The following CFAP251 variants were observed in gnomAD, a reference collection of about 807,000 sequenced individuals.
CFAP251 encodes the protein cilia and flagella associated protein 251, also known as cilia- and flagella-associated protein 251.
A neutral mutation model predicts 126.7 loss-of-function variants in CFAP251; 93 were observed. The observed-to-expected ratio is 0.73, with a 90% confidence interval of 0.62 to 0.87. The LOEUF (loss-of-function observed/expected upper bound fraction) is 0.87, where lower values mean the gene tolerates loss of function less well. CFAP251 is among the 40% of genes least tolerant of loss of function. The pLI is 0.00. For missense variants in CFAP251, 1,287 were observed against 1,389.2 expected, an observed-to-expected ratio of 0.93 and a Z score of 1.17; for synonymous variants, 503 against 506.9, an observed-to-expected ratio of 0.99 and a Z score of 0.10.
intron 7 of CFAP251, chr12:121,948,653 G>C (rs1321888215): frequency 5.7e-6 from 1 of 174,612 alleles, no homozygotes. Flanking sequence ...CCAGGAGATA[G>C]AGGCTGCAGT....
chr12:121,982,853 G>C (rs1372141072), intron 19 of CFAP251, among the ~76,000 whole-genome samples: 1 of 152,132 alleles, frequency 6.6e-6, no homozygotes, highest in Non-Finnish European at 1.5e-5. Flanking sequence ...TGGAGTCCCG[G>C]CTGCTTGAGA....
chr12:121,956,940 T>G (rs2135780807), intron 10 of CFAP251, 134 bp from the exon 11 acceptor site: 2 of 612,714 alleles, frequency 3.3e-6, no homozygotes, highest in Admixed American at 4.0e-5. Flanking sequence ...AACAGTAAAA[T>G]CATTCTCGTT....
At chr12:121,968,987 G>C in intron 17 of CFAP251, 1 of 985,384 alleles carries the variant, frequency 1.0e-6, no homozygotes, top group African/African-American at 1.7e-5. Context: ...GCAGGGCAGA[G>C]TCAACCATGT....
Position 121,975,258 on chromosome 12 carries a change from C to T in CFAP251, c.2786C>T (p.Ala929Val), listed in dbSNP as rs373952171. The part of the protein sequence containing the change: ...WKITLSVLEA[A>V]VSLGGEDLTP... ...TGTTGTTCCAGTGTCCTGGAGGCAG[C>T]GGTTTCTCTTGGGGGTGAAGACTTG... The change falls in exon 18 of 22, where the codon GCG (alanine) becomes GTG (valine). Residue 929 changes from alanine (A) to valine (V), a missense_variant. Ala to Val is a moderately conservative substitution (Grantham distance 64). Transcript: ENST00000288912. 1.7e-5 allele frequency: 28 copies of T among 1,613,854 alleles called. No homozygotes were observed. The highest frequency in any genetic ancestry group is 2.2e-5 in the Non-Finnish European group (26 of 1,179,996).
intron 3 of CFAP251, among the ~76,000 whole-genome samples, chr12:121,924,752 C>T (rs1220711777): frequency 6.6e-6 from 1 of 152,070 alleles, no homozygotes. Context: ...TTTTAAAGTT[C>T]GGTTAAGAGC....
Position 121,968,141 on chromosome 12 carries a change from T to A in CFAP251, c.2743T>A (p.Ser915Thr), listed in dbSNP as rs753540085. Reference sequence around the variant, plus strand: ...CTTCACTGCGGGAGGGCACGATCGCTCGGTGGTGCAGTGGAAAATCACCTT... The same window carrying A: ...CTTCACTGCGGGAGGGCACGATCGCACGGTGGTGCAGTGGAAAATCACCTT... ...YAFTAGGHDR[S>T]VVQWKITLSV... The change falls in exon 17 of 22, where the codon TCG becomes ACG. Residue 915 changes from serine to threonine, a missense_variant. Coordinates refer to ENST00000288912, the MANE Select transcript of CFAP251 (RefSeq NM_144668.6). The A allele has an allele frequency of 6.2e-7, 1 of 1,610,244 alleles. No individual in the cohort carries two copies. The highest frequency in any genetic ancestry group is 1.1e-5 in the South Asian group (1 of 90,932).
Position 122,001,609 on chromosome 12 carries a change from T to TG in CFAP251, c.3337+13dup. 1.2e-6 allele frequency: 2 copies of TG among 1,609,164 alleles called. No individual in the cohort carries two copies. Among genetic ancestry groups the TG allele is most frequent in the Non-Finnish European group, 1.7e-6 (2 of 1,175,476 alleles). ...CCTGCTCCGTCAAAGGTACCCCAGC[T>TG]GGCTTTGTCTGGGCATGTAGCTGTG... is the stretch of plus-strand genomic sequence containing the variant. On this transcript the variant is annotated intron_variant, in intron 21 of 21. Coordinates refer to ENST00000288912, the MANE Select transcript of CFAP251 (RefSeq NM_144668.6).
At chr12:121,928,553 AGCAAC>A (rs1182580502) in intron 3 of CFAP251, among the ~76,000 whole-genome samples, 1 of 150,578 alleles carries the variant, frequency 6.6e-6, no homozygotes, top group African/African-American at 2.4e-5. Context: ...ACTGATTCTT[AGCAAC>A]GCAACGCATC....
chr12:121,937,053 A>G (rs1377010469), intron 5 of CFAP251, among the ~76,000 whole-genome samples: 1 of 152,224 alleles, frequency 6.6e-6, no homozygotes, highest in Non-Finnish European at 1.5e-5. Flanking sequence ...GTGAAAAAAG[A>G]ATAATGACAT....
intron 19 of CFAP251, among the ~76,000 whole-genome samples, chr12:121,981,018 G>A (rs771492616): frequency 1.1e-4 from 17 of 152,188 alleles, no homozygotes; most frequent in African/African-American, 1.2e-4. Flanking sequence ...GGTGCCCAGC[G>A]CACAGAGGTG....
At chr12:121,985,620 T>A (rs2135807783) in intron 19 of CFAP251, among the ~76,000 whole-genome samples, 1 of 151,512 alleles carries the variant, frequency 6.6e-6, no homozygotes, top group East Asian at 1.9e-4. Flanking sequence ...GGAATAATTT[T>A]AAATATATAA....
chr12:122,001,965 G>T (rs781747442), intron 21 of CFAP251: 1 of 249,638 alleles, frequency 4.0e-6, no homozygotes, highest in Non-Finnish European at 8.1e-6. Context: ...GCTCACGCCT[G>T]TAATTCCAGC....
chr12:121,997,896 C>CAT (rs377333671), intron 19 of CFAP251: 101 of 151,336 alleles, frequency 6.7e-4, no homozygotes, highest in African/African-American at 2.2e-3. Context: ...GGACTATAGG[C>CAT]ATACGCTACC....
chr12:121,952,240 T>TAAAAAA (rs558861973), intron 9 of CFAP251, among the ~76,000 whole-genome samples: 35 of 92,080 alleles, frequency 3.8e-4, no homozygotes, highest in Middle Eastern at 5.7e-3. Flanking sequence ...TCGTTTCTAC[T>TAAAAAA]AAAAAAAAAA....
chr12:121,938,097 G>A (rs1198573829), intron 5 of CFAP251, among the ~76,000 whole-genome samples: 1 of 151,260 alleles, frequency 6.6e-6, no homozygotes, highest in Non-Finnish European at 1.5e-5. Context: ...CTTGGCCTCC[G>A]AGGCTCAAGT....
intron 19 of CFAP251, among the ~76,000 whole-genome samples, chr12:121,976,498 G>A (rs1882463131): frequency 6.6e-6 from 1 of 152,112 alleles, no homozygotes; most frequent in East Asian, 1.9e-4. Context: ...TGTGGAGCAC[G>A]GAGGGTGCAG....
Position 121,962,092 on chromosome 12 carries a change from G to A in CFAP251, c.2422G>A (p.Glu808Lys). 6.2e-7 allele frequency: 1 copy of A among 1,613,998 alleles called. No individual in the cohort carries two copies. The highest frequency in any genetic ancestry group is 8.5e-7 in the Non-Finnish European group (1 of 1,180,034). The stretch of plus-strand genomic sequence containing the variant: ...GGTCTGGTACCCACCACTCACCAGG[G>A]AACTCTTCCTGCTTATTTGCAACAG... ...CMVWYPPLTR[E>K]LFLLICNSGY... The change falls in exon 15 of 22, where the codon GAA (glutamate) becomes AAA (lysine). Residue 808 changes from glutamate (E) to lysine (K), a missense_variant. Transcript: ENST00000288912.
intron 21 of CFAP251, among the ~76,000 whole-genome samples, chr12:122,002,555 A>G (rs1187297837): frequency 6.6e-6 from 1 of 151,934 alleles, no homozygotes; most frequent in Non-Finnish European, 1.5e-5. Flanking sequence ...AAAAAGAGAG[A>G]GAGAGAGAGA....
At chr12:121,940,900 C>T (rs975522237) in intron 5 of CFAP251, among the ~76,000 whole-genome samples, 2 of 152,194 alleles carry the variant, frequency 1.3e-5, no homozygotes, top group Non-Finnish European at 2.9e-5. Flanking sequence ...CACGCACACA[C>T]ACACACATGA....
Sources: allele counts gnomAD v4.1 joint callset (sites outside exome capture counted in the v4.1 genomes callset), GRCh38; gene constraint gnomAD v4.1.1; transcripts MANE v1.5; gene names NCBI Gene and HGNC (gene_info 2026-07-23, HGNC 2026-07-21).